Variants in NLGN1 observed in about 807,000 individuals in gnomAD.
The protein encoded by NLGN1 is neuroligin 1, also known as neuroligin-1.
In NLGN1, 12 loss-of-function variants were observed where a neutral mutation model predicts 65.5. The ratio of observed to expected loss-of-function variants is 0.18; its 90% CI spans 0.12 to 0.30. The LOEUF (loss-of-function observed/expected upper bound fraction) is 0.30. Ranked by LOEUF, NLGN1 falls within the 10% of genes least tolerant of loss-of-function variation. NLGN1 has a pLI of 1.00. For missense variants in NLGN1, 750 were observed against 1,007.1 expected (o/e 0.74, Z 3.46); for synonymous variants, 350 against 359.5 (o/e 0.97, Z 0.30).
chr3:173,821,900 A>G (rs960765867), intron 4 of NLGN1, among the ~76,000 whole-genome samples: 2 of 152,188 alleles, frequency 1.3e-5, no homozygotes. Flanking sequence ...GAGCATATAC[A>G]ATAACATTAT....
intron 4 of NLGN1, among the ~76,000 whole-genome samples, chr3:173,871,179 C>T (rs372286362): frequency 6.6e-6 from 1 of 152,070 alleles, no homozygotes; most frequent in African/African-American, 2.4e-5. Flanking sequence ...TGACGTGTCC[C>T]GAAGAGGCTA....
chr3:173,645,435 C>G (rs985638121), intron 3 of NLGN1, among the ~76,000 whole-genome samples: 3 of 152,180 alleles, frequency 2.0e-5, no homozygotes, highest in Admixed American at 2.0e-4. Flanking sequence ...CACTTTATCT[C>G]TTTTAGCACC....
At chr3:173,602,132 G>A (rs535880749) in intron 2 of NLGN1, among the ~76,000 whole-genome samples, 9 of 152,136 alleles carry the variant, frequency 5.9e-5, no homozygotes, top group Non-Finnish European at 5.9e-5. Flanking sequence ...TTCCTCATGA[G>A]TAAGAAGGGG....
intron 4 of NLGN1, among the ~76,000 whole-genome samples, chr3:174,096,354 A>G (rs1745530745): frequency 6.6e-6 from 1 of 151,900 alleles, no homozygotes; most frequent in Non-Finnish European, 1.5e-5. Context: ...TCCGCAGAAC[A>G]TGGGTTGATT....
chr3:173,688,985 G>A (rs1765070002), intron 3 of NLGN1, among the ~76,000 whole-genome samples: 3 of 152,106 alleles, frequency 2.0e-5, no homozygotes, highest in South Asian at 2.1e-4. Flanking sequence ...TTCCATTTGG[G>A]TGTACTAATA....
intron 4 of NLGN1, among the ~76,000 whole-genome samples, chr3:173,903,401 CAT>C (rs1422751044): frequency 6.6e-6 from 1 of 151,990 alleles, no homozygotes; most frequent in Non-Finnish European, 1.5e-5. Context: ...TACCTTTAGT[CAT>C]ATATGTGTTA....
rs534798733 is a variant in NLGN1 at position 173,513,285 on chromosome 3, C to A, written c.-321+78207C>A. Among the ~76,000 whole-genome samples the A allele has an allele frequency of 6.8e-4, 103 of 152,088 alleles. 1 individual carries two copies. Among genetic ancestry groups the A allele is most frequent in the Middle Eastern group, 3.4e-3 (1 of 294 alleles). On this transcript the variant is annotated intron_variant, in intron 2 of 6. Coordinates refer to ENST00000457714, the Ensembl canonical transcript of NLGN1. ...GTAGAGCTCCTGTAGGTAAAACTCA[C>A]AAAAGAACGGGTATGCCCCTATGAC...
chr3:173,552,208 A>G lies in NLGN1; in HGVS notation c.-320-52071A>G, dbSNP rs561341894. Reference sequence around the variant, plus strand: ...ATGTGGAGAAATCTTTTTGATGGCTATAGTAAGAGCTGACCACTGGGGAGG... The same window carrying G: ...ATGTGGAGAAATCTTTTTGATGGCTGTAGTAAGAGCTGACCACTGGGGAGG... On this transcript the variant is annotated intron_variant, in intron 2 of 6. Transcript: ENST00000457714. Among the ~76,000 whole-genome samples the G allele has an allele frequency of 4.6e-5, 7 of 152,312 alleles. No individual in the cohort carries two copies. The East Asian group carries it at 1.3e-3, about 29-fold the overall frequency.
chr3:174,145,599 TAA>T (rs1418044592), intron 4 of NLGN1, among the ~76,000 whole-genome samples: 1 of 152,206 alleles, frequency 6.6e-6, no homozygotes, highest in Non-Finnish European at 1.5e-5. Flanking sequence ...ACCTGCTTTT[TAA>T]AAATGAATCA....
chr3:173,935,942 C>T (rs976224242), intron 4 of NLGN1, among the ~76,000 whole-genome samples: 2 of 151,900 alleles, frequency 1.3e-5, no homozygotes, highest in Admixed American at 1.3e-4. Flanking sequence ...CAGTGTGAAG[C>T]CTACAGCAAA....
At chr3:173,468,193 T>C (rs1180239715) in intron 2 of NLGN1, among the ~76,000 whole-genome samples, 1 of 152,066 alleles carries the variant, frequency 6.6e-6, no homozygotes, top group African/African-American at 2.4e-5. Context: ...TAATATTCAA[T>C]GAATAATGAT....
chr3:174,041,415 G>A (rs1429934160), intron 4 of NLGN1, among the ~76,000 whole-genome samples: 1 of 152,084 alleles, frequency 6.6e-6, no homozygotes, highest in East Asian at 1.9e-4. Flanking sequence ...AAAGCAGTTT[G>A]AGACTATTAT....
intron 4 of NLGN1, among the ~76,000 whole-genome samples, chr3:174,069,027 G>C (rs1433497346): frequency 6.6e-6 from 1 of 152,076 alleles, no homozygotes; most frequent in Non-Finnish European, 1.5e-5. Flanking sequence ...CAATCTGTGT[G>C]GTGGACTTAA....
At chr3:173,427,502 T>G (rs1256612777) in intron 1 of NLGN1, among the ~76,000 whole-genome samples, 5 of 151,978 alleles carry the variant, frequency 3.3e-5, no homozygotes, top group Non-Finnish European at 5.9e-5. Flanking sequence ...GGTTTTGGTA[T>G]GTAGTGTTTC....
At chr3:174,085,494 T>C (rs1306035416) in intron 4 of NLGN1, among the ~76,000 whole-genome samples, 1 of 152,056 alleles carries the variant, frequency 6.6e-6, no homozygotes, top group Non-Finnish European at 1.5e-5. Context: ...TTCCTGGTAC[T>C]CCAAACCTCC....
At chr3:173,675,039 C>T (rs1314047373) in intron 3 of NLGN1, among the ~76,000 whole-genome samples, 3 of 151,270 alleles carry the variant, frequency 2.0e-5, no homozygotes, top group South Asian at 2.1e-4. Flanking sequence ...GTATGTTGGC[C>T]GGAAGTTTTG....
chr3:174,047,972 C>T (rs1042229042), intron 4 of NLGN1, among the ~76,000 whole-genome samples: 1 of 152,052 alleles, frequency 6.6e-6, no homozygotes, highest in South Asian at 2.1e-4. Flanking sequence ...TAGGCAAAAT[C>T]GTTGGATATG....
chr3:173,431,841 C>G (rs916532195), intron 1 of NLGN1, among the ~76,000 whole-genome samples: 1 of 152,098 alleles, frequency 6.6e-6, no homozygotes, highest in African/African-American at 2.4e-5. Context: ...AGAATAGTTT[C>G]ACTGCTCTAA....
chr3:173,533,991 A>G (rs1361137155), intron 2 of NLGN1, among the ~76,000 whole-genome samples: 2 of 152,172 alleles, frequency 1.3e-5, no homozygotes, highest in South Asian at 2.1e-4. Flanking sequence ...CAAAAAAAGA[A>G]AAGAAAGGCT....
Sources: gnomAD v4.1 joint callset for allele counts (sites outside exome capture counted in the v4.1 genomes callset) on GRCh38, gnomAD v4.1.1 for gene constraint, MANE v1.5 for transcripts, NCBI Gene and HGNC (gene_info 2026-07-23, HGNC 2026-07-21) for gene names.